HSF2BP: variants seen among roughly 807,000 people sequenced by gnomAD.
HSF2BP encodes the protein heat shock transcription factor 2 binding protein.
HSF2BP carries 35 observed loss-of-function variants against 35.0 expected under a neutral mutation model. That is an observed-to-expected ratio of 1.00 (90% confidence interval 0.76 to 1.32). HSF2BP has a LOEUF of 1.32. Ranked by LOEUF, HSF2BP falls within the 40% of genes most tolerant of loss-of-function variation. HSF2BP has a pLI of 0.00. For synonymous variants in HSF2BP, 114 were observed against 117.4 expected (o/e 0.97, Z 0.18); for missense variants, 326 against 321.7 (o/e 1.01, Z -0.10).
chr21:43,629,811 A>C (rs2082432276), intron 6 of HSF2BP, among the ~76,000 whole-genome samples: 1 of 152,252 alleles, frequency 6.6e-6, no homozygotes, highest in Non-Finnish European at 1.5e-5. Flanking sequence ...AATATTACAT[A>C]AACTTAGTTG....
chr21:43,631,979 C>CT (rs2082466282), intron 5 of HSF2BP, among the ~76,000 whole-genome samples: 1 of 53,122 alleles, frequency 1.9e-5, no homozygotes, highest in Non-Finnish European at 3.3e-5. Flanking sequence ...CCCACACACG[C>CT]TCCCCACACA....
intron 6 of HSF2BP, among the ~76,000 whole-genome samples, chr21:43,627,762 G>GT (rs61573355): frequency 0.026 from 3,946 of 152,170 alleles, 170 homozygotes; most frequent in African/African-American, 0.089. Flanking sequence ...TGCAGATACT[G>GT]TTTTTTTACA....
chr21:43,459,426 C>T, the HSF2BP span, among the ~76,000 whole-genome samples: 11 of 86,622 alleles, frequency 1.3e-4, 2 homozygotes, highest in African/African-American at 3.2e-4. Flanking sequence ...CAGCACCCAC[C>T]GCACTGGTCC....
intron 4 of HSF2BP, 135 bp downstream of exon 4, chr21:43,644,154 G>C: frequency 1.6e-6 from 1 of 626,652 alleles, no homozygotes; most frequent in Non-Finnish European, 2.9e-6. Context: ...AACCCACTCA[G>C]AATACATACA....
intron 7 of HSF2BP, among the ~76,000 whole-genome samples, chr21:43,605,979 A>C (rs1471042881): frequency 2.6e-5 from 4 of 152,120 alleles, no homozygotes; most frequent in African/African-American, 7.2e-5. Flanking sequence ...GGGGAGTGGA[A>C]TAAACAAGGG....
intron 8 of HSF2BP, among the ~76,000 whole-genome samples, chr21:43,577,787 C>A (rs1279774150): frequency 6.6e-6 from 1 of 152,228 alleles, no homozygotes; most frequent in African/African-American, 2.4e-5. Context: ...TGACATTCCA[C>A]CATTGTGATC....
intron 5 of HSF2BP, among the ~76,000 whole-genome samples, chr21:43,630,684 G>T (rs1364234121): frequency 6.6e-6 from 1 of 152,110 alleles, no homozygotes; most frequent in African/African-American, 2.4e-5. Context: ...ATATGATATA[G>T]GACAAATGTA....
chr21:43,658,001 G>C, intron 2 of HSF2BP, 60 bp downstream of exon 2: 1 of 1,533,842 alleles, frequency 6.5e-7, no homozygotes, highest in Non-Finnish European at 8.7e-7. Context: ...GCGAGGCCCT[G>C]AGGGGAGCGA....
At chr21:43,644,490 G>T in intron 3 of HSF2BP, 98 bp from the exon 4 acceptor site, 1 of 827,580 alleles carries the variant, frequency 1.2e-6, no homozygotes, top group Non-Finnish European at 2.0e-6. Context: ...AATGTGTACT[G>T]ATTTCTTAGG....
At chr21:43,587,381 G>A (rs555763450) in intron 8 of HSF2BP, among the ~76,000 whole-genome samples, 17 of 152,118 alleles carry the variant, frequency 1.1e-4, no homozygotes, top group Non-Finnish European at 2.2e-4. Flanking sequence ...GAAAGCCTGG[G>A]ATGGCCAGGC....
the HSF2BP span, among the ~76,000 whole-genome samples, chr21:43,506,049 G>A: frequency 1.5e-5 from 2 of 130,050 alleles, no homozygotes; most frequent in East Asian, 2.1e-4. Context: ...GCGGCTATTC[G>A]CTTGGTGCCC....
chr21:43,581,102 G>A (rs893883717), intron 8 of HSF2BP, among the ~76,000 whole-genome samples: 1 of 152,314 alleles, frequency 6.6e-6, no homozygotes, highest in East Asian at 1.9e-4. Context: ...AAAGGTAAAA[G>A]GCAGCCGGAC....
chr21:43,632,588 G>A lies in HSF2BP; in HGVS notation c.441+684C>T, dbSNP rs2082495418. Among the ~76,000 whole-genome samples the A allele has an allele frequency of 2.0e-5, 3 of 152,176 alleles. No homozygotes were observed. In the South Asian group the frequency reaches 6.2e-4, roughly 32 times the overall value. Reference sequence around the variant, plus strand: ...AAAAGTTACACCAAGTGTGTCTGCTGCTCCAGCCTCCCCTTCCACCTCCTC... The same window carrying A: ...AAAAGTTACACCAAGTGTGTCTGCTACTCCAGCCTCCCCTTCCACCTCCTC... On this transcript the variant is annotated intron_variant, in intron 5 of 8. Coordinates refer to ENST00000291560, the MANE Select transcript of HSF2BP (RefSeq NM_007031.2).
intron 3 of HSF2BP, among the ~76,000 whole-genome samples, chr21:43,647,672 G>A (rs963157398): frequency 2.0e-5 from 3 of 151,930 alleles, no homozygotes; most frequent in Admixed American, 6.6e-5. Flanking sequence ...CTGCACAAAC[G>A]GCGTCAATTT....
intron 6 of HSF2BP, among the ~76,000 whole-genome samples, chr21:43,619,319 C>G (rs2082306545): frequency 6.6e-6 from 1 of 152,124 alleles, no homozygotes; most frequent in Non-Finnish European, 1.5e-5. Flanking sequence ...CCTCTTACAA[C>G]TCAGTAACAG....
At chr21:43,591,285 T>C (rs1278766108) in intron 8 of HSF2BP, among the ~76,000 whole-genome samples, 3 of 152,232 alleles carry the variant, frequency 2.0e-5, no homozygotes, top group Non-Finnish European at 4.4e-5. Context: ...ACTATACATG[T>C]GTACTTCTCT....
At chr21:43,592,766 G>A (rs2081942396) in intron 7 of HSF2BP, among the ~76,000 whole-genome samples, 1 of 152,146 alleles carries the variant, frequency 6.6e-6, no homozygotes, top group Admixed American at 6.5e-5. Context: ...AGCCAGGTCA[G>A]GCCACAGGAC....
At chr21:43,501,397 CTTTTTTTTTTTTTTT>C in the HSF2BP span, among the ~76,000 whole-genome samples, 2 of 65,232 alleles carry the variant, frequency 3.1e-5, no homozygotes, top group Admixed American at 1.7e-4. Flanking sequence ...CTGTAGCTGT[CTTTTTTTTTTTTTTT>C]TTTTTTTTTG....
chr21:43,574,636 C>T (rs538735041), intron 8 of HSF2BP, among the ~76,000 whole-genome samples: 1 of 152,328 alleles, frequency 6.6e-6, no homozygotes, highest in Admixed American at 6.5e-5. Context: ...GGATTACAGG[C>T]TTGAGCCACT....
Sources: allele counts gnomAD v4.1 joint callset (sites outside exome capture counted in the v4.1 genomes callset), GRCh38; gene constraint gnomAD v4.1.1; transcripts MANE v1.5; gene names NCBI Gene and HGNC (gene_info 2026-07-23, HGNC 2026-07-21).